Variants in LRRTM3 observed in about 807,000 individuals in gnomAD.
The protein encoded by LRRTM3 is leucine-rich repeat transmembrane neuronal protein 3.
A neutral mutation model predicts 44.7 loss-of-function variants in LRRTM3; 24 were observed. The ratio of observed to expected loss-of-function variants is 0.54; its 90% confidence interval spans 0.39 to 0.76. LRRTM3 has a LOEUF of 0.76. Ranked by LOEUF, LRRTM3 falls within the 30% of genes least tolerant of loss-of-function variation. The pLI, the probability that LRRTM3 is intolerant of heterozygous loss-of-function variation, is 0.00. For missense variants in LRRTM3, 587 were observed against 702.2 expected, an observed-to-expected ratio of 0.84 and a Z score of 1.85; for synonymous variants, 277 against 278.7, an observed-to-expected ratio of 0.99 and a Z score of 0.06.
At chr10:67,047,507 G>C (rs74586993) in intron 2 of LRRTM3, among the ~76,000 whole-genome samples, 8,354 of 152,166 alleles carry the variant, frequency 0.055, 334 homozygotes, top group South Asian at 0.19. Flanking sequence ...CCTGTCACAA[G>C]GAGAAAAGAG....
intron 2 of LRRTM3, among the ~76,000 whole-genome samples, chr10:67,019,114 G>A (rs1042681180): frequency 2.6e-5 from 4 of 152,190 alleles, no homozygotes; most frequent in Non-Finnish European, 5.9e-5. Context: ...TTCAAATATG[G>A]TAGGATGATA....
At chr10:66,992,028 C>T (rs1270162862) in intron 2 of LRRTM3, among the ~76,000 whole-genome samples, 1 of 152,094 alleles carries the variant, frequency 6.6e-6, no homozygotes, top group East Asian at 1.9e-4. Flanking sequence ...CAGCAAACAT[C>T]CTTGTATGTC....
intron 2 of LRRTM3, among the ~76,000 whole-genome samples, chr10:67,086,327 T>A (rs1433813775): frequency 6.6e-6 from 1 of 152,028 alleles, no homozygotes; most frequent in Non-Finnish European, 1.5e-5. Flanking sequence ...ATACAGAATA[T>A]CACTTCATTT....
chr10:67,058,164 G>A (rs1051171876), intron 2 of LRRTM3, among the ~76,000 whole-genome samples: 1 of 152,054 alleles, frequency 6.6e-6, no homozygotes, highest in African/African-American at 2.4e-5. Context: ...ATAATCTTAG[G>A]AAATTATTTT....
At chr10:66,928,491 G>T in intron 2 of LRRTM3, 39 bp downstream of exon 2, 2 of 1,529,664 alleles carry the variant, frequency 1.3e-6, no homozygotes, top group South Asian at 1.3e-5. Flanking sequence ...TTAAAAGCTG[G>T]GAAATAAGTG....
At chr10:67,001,856 C>T (rs1851707407) in intron 2 of LRRTM3, among the ~76,000 whole-genome samples, 1 of 152,150 alleles carries the variant, frequency 6.6e-6, no homozygotes, top group Non-Finnish European at 1.5e-5. Flanking sequence ...TTCTGTTTAG[C>T]CTTGTCATCA....
intron 2 of LRRTM3, among the ~76,000 whole-genome samples, chr10:67,051,351 A>G (rs1276897370): frequency 6.6e-6 from 1 of 152,238 alleles, no homozygotes; most frequent in Non-Finnish European, 1.5e-5. Flanking sequence ...GGAAGTTAGT[A>G]GCCACCAAAA....
intron 2 of LRRTM3, among the ~76,000 whole-genome samples, chr10:66,928,793 C>CTGTT (rs1263316079): frequency 6.6e-6 from 1 of 152,200 alleles, no homozygotes; most frequent in African/African-American, 2.4e-5. Flanking sequence ...CCCACATTCG[C>CTGTT]TGTTAGCCTC....
intron 2 of LRRTM3, among the ~76,000 whole-genome samples, chr10:67,037,252 C>T (rs922345489): frequency 3.3e-5 from 5 of 151,844 alleles, no homozygotes; most frequent in Non-Finnish European, 7.4e-5. Context: ...AAAAATGTTA[C>T]TTTAGAGATA....
At chr10:67,041,799 A>C (rs1274310945) in intron 2 of LRRTM3, among the ~76,000 whole-genome samples, 2 of 152,158 alleles carry the variant, frequency 1.3e-5, no homozygotes, top group Non-Finnish European at 2.9e-5. Flanking sequence ...GAATTCAGTA[A>C]GGAAAGAATG....
intron 2 of LRRTM3, among the ~76,000 whole-genome samples, chr10:67,035,433 T>C (rs1853984646): frequency 6.6e-6 from 1 of 152,190 alleles, no homozygotes; most frequent in African/African-American, 2.4e-5. Flanking sequence ...TCCTTTGAAG[T>C]TGTTGCTCTT....
At chr10:66,958,754 C>T (rs1032332874) in intron 2 of LRRTM3, among the ~76,000 whole-genome samples, 4 of 152,084 alleles carry the variant, frequency 2.6e-5, no homozygotes, top group African/African-American at 7.2e-5. Context: ...GCAAACTATC[C>T]TAATTTTGAT....
intron 2 of LRRTM3, among the ~76,000 whole-genome samples, chr10:66,936,395 C>T (rs1047583908): frequency 6.6e-6 from 1 of 151,982 alleles, no homozygotes; most frequent in African/African-American, 2.4e-5. Flanking sequence ...CTAAGTTTGC[C>T]ATCACATTCT....
chr10:67,070,361 T>C (rs1436488752), intron 2 of LRRTM3, among the ~76,000 whole-genome samples: 1 of 152,218 alleles, frequency 6.6e-6, no homozygotes, highest in Non-Finnish European at 1.5e-5. Context: ...CTTTTCATTC[T>C]CTTAATGGTA....
chr10:67,008,729 G>GGA (rs1852154760), intron 2 of LRRTM3, among the ~76,000 whole-genome samples: 1 of 152,138 alleles, frequency 6.6e-6, no homozygotes, highest in Non-Finnish European at 1.5e-5. Flanking sequence ...TCATCCTCCA[G>GGA]TAGGCTAGCT....
At position 66,965,154 on chromosome 10, in the gene LRRTM3, C is replaced by T. The variant is rs903190604; in HGVS notation, c.1536+36702C>T. 4.6e-5 allele frequency among the ~76,000 whole-genome samples: 7 copies of T among 152,060 alleles called. 1 individual carries two copies. Among genetic ancestry groups the T allele is most frequent in the African/African-American group, 9.7e-5 (4 of 41,392 alleles). ...ATGCCAAAAAGACAGCTGGGAGCCACGGTGGAAGGCAGACAATGCCCTGGA... is the reference window on the plus strand; with the variant it reads ...ATGCCAAAAAGACAGCTGGGAGCCATGGTGGAAGGCAGACAATGCCCTGGA... On this transcript the variant is annotated intron_variant, in intron 2 of 2. Coordinates refer to ENST00000361320, the MANE Select transcript of LRRTM3 (RefSeq NM_178011.5).
intron 2 of LRRTM3, among the ~76,000 whole-genome samples, chr10:66,970,390 A>T (rs1319319723): frequency 1.3e-5 from 2 of 152,052 alleles, no homozygotes; most frequent in African/African-American, 2.4e-5. Flanking sequence ...GATATACAGC[A>T]GATATGTAAC....
chr10:66,996,564 C>T (rs1483155432), intron 2 of LRRTM3, among the ~76,000 whole-genome samples: 1 of 141,754 alleles, frequency 7.1e-6, no homozygotes, highest in African/African-American at 2.6e-5. Context: ...AGGAGAATTG[C>T]TTGAACCCAG....
chr10:66,933,436 T>G (rs1847519467), intron 2 of LRRTM3, among the ~76,000 whole-genome samples: 1 of 152,254 alleles, frequency 6.6e-6, no homozygotes, highest in South Asian at 2.1e-4. Flanking sequence ...TCAGGACGTT[T>G]ACCTGTCCAC....
Sources: gnomAD v4.1 joint callset for allele counts (sites outside exome capture counted in the v4.1 genomes callset) on GRCh38, gnomAD v4.1.1 for gene constraint, MANE v1.5 for transcripts, NCBI Gene and HGNC (gene_info 2026-07-23, HGNC 2026-07-21) for gene names.